CDH18: variants seen among roughly 807,000 people sequenced by gnomAD.
CDH18 encodes the protein cadherin-18.
Under a neutral mutation model 67.9 loss-of-function variants are expected in CDH18, and 31 were observed. That is an observed-to-expected ratio of 0.46 (90% CI 0.34 to 0.62). The LOEUF (loss-of-function observed/expected upper bound fraction) is 0.62. CDH18 is among the 20% of genes least tolerant of loss of function. The probability of loss-of-function intolerance (pLI) is 0.01; values close to 1 mark genes in which losing one functional copy is unlikely to be tolerated. For missense variants in CDH18, 890 were observed against 975.5 expected, an observed-to-expected ratio of 0.91 and a Z score of 1.17; for synonymous variants, 362 against 347.2, an observed-to-expected ratio of 1.04 and a Z score of -0.48.
chr5:20,370,482 G>A (rs377025843), intron 1 of CDH18, among the ~76,000 whole-genome samples: 15 of 152,154 alleles, frequency 9.9e-5, no homozygotes, highest in Middle Eastern at 3.4e-3. Flanking sequence ...TTTTTTGACC[G>A]TTACCCATAG....
intron 1 of CDH18, among the ~76,000 whole-genome samples, chr5:20,259,334 T>C (rs964262497): frequency 2.6e-5 from 4 of 152,100 alleles, no homozygotes; most frequent in Admixed American, 6.5e-5. Context: ...ATCAGAGCTT[T>C]TAAATGATGA....
chr5:19,618,635 C>G (rs528861890), intron 5 of CDH18, among the ~76,000 whole-genome samples: 17 of 152,290 alleles, frequency 1.1e-4, no homozygotes, highest in African/African-American at 4.1e-4. Context: ...ATAACTAAAT[C>G]ATGTAAAGTG....
At chr5:20,374,290 T>G (rs1743238998) in intron 1 of CDH18, among the ~76,000 whole-genome samples, 1 of 152,200 alleles carries the variant, frequency 6.6e-6, no homozygotes, top group Admixed American at 6.5e-5. Flanking sequence ...ATGAGATTAT[T>G]CAGACTTATC....
intron 3 of CDH18, among the ~76,000 whole-genome samples, chr5:19,834,770 T>G (rs564547888): frequency 6.6e-6 from 1 of 152,304 alleles, no homozygotes; most frequent in East Asian, 1.9e-4. Flanking sequence ...TCTGCCTTAA[T>G]TTCATTATTT....
Position 20,552,425 on chromosome 5 carries a change from A to G in CDH18, c.-580+23037T>C, listed in dbSNP as rs576539552. Among the ~76,000 whole-genome samples the G allele has an allele frequency of 5.3e-5, 8 of 152,276 alleles. No homozygotes were observed. In the South Asian group the frequency reaches 1.4e-3, roughly 28 times the overall value. The stretch of plus-strand genomic sequence containing the variant: ...CCGTGAGGTGGAGTTTGCTGTGAGC[A>G]GAGACCATGCCACTGTACTCCAGTC... On this transcript the variant is annotated intron_variant, in intron 1 of 14. Transcript: ENST00000507958.
intron 3 of CDH18, among the ~76,000 whole-genome samples, chr5:19,819,597 G>T (rs1292205572): frequency 6.6e-6 from 1 of 152,112 alleles, no homozygotes; most frequent in Non-Finnish European, 1.5e-5. Flanking sequence ...CATTGTAGGT[G>T]GGATCCCAGC....
intron 2 of CDH18, among the ~76,000 whole-genome samples, chr5:20,218,849 C>T (rs1740990420): frequency 6.6e-6 from 1 of 150,876 alleles, no homozygotes; most frequent in African/African-American, 2.4e-5. Flanking sequence ...ATATCTTTAT[C>T]AGCAGCATGA....
At chr5:20,304,507 T>C (rs1736245756) in intron 1 of CDH18, 2 of 1,602,010 alleles carry the variant, frequency 1.2e-6, no homozygotes, top group South Asian at 1.1e-5. Flanking sequence ...TGCGAAATGG[T>C]GAAGAGACTG....
chr5:19,537,293 G>A (rs1474159192), intron 9 of CDH18, among the ~76,000 whole-genome samples: 1 of 152,118 alleles, frequency 6.6e-6, no homozygotes, highest in Admixed American at 6.6e-5. Flanking sequence ...GTGGGATACA[G>A]AGTCTGCAGA....
At chr5:19,981,622 A>G (rs1203655619) in intron 1 of CDH18, among the ~76,000 whole-genome samples, 1 of 152,172 alleles carries the variant, frequency 6.6e-6, no homozygotes, top group African/African-American at 2.4e-5. Flanking sequence ...CCACTTCTCA[A>G]AATTGTTGCA....
chr5:20,475,850 T>A (rs1362116980), intron 1 of CDH18, among the ~76,000 whole-genome samples: 1 of 152,128 alleles, frequency 6.6e-6, no homozygotes, highest in Admixed American at 6.5e-5. Flanking sequence ...TAATACAGAA[T>A]ATTAGAGGCT....
At chr5:20,562,326 A>C (rs1758267315) in intron 1 of CDH18, among the ~76,000 whole-genome samples, 1 of 151,800 alleles carries the variant, frequency 6.6e-6, no homozygotes, top group Admixed American at 6.6e-5. Context: ...GGAATACAGG[A>C]TATTATTGTT....
intron 7 of CDH18, among the ~76,000 whole-genome samples, chr5:19,589,566 C>T (rs2150019072): frequency 6.6e-6 from 1 of 152,216 alleles, no homozygotes; most frequent in Admixed American, 6.5e-5. Flanking sequence ...GAAAAAAATG[C>T]TAGATGTTGG....
At chr5:20,379,689 G>A (rs1743754417) in intron 1 of CDH18, among the ~76,000 whole-genome samples, 1 of 151,976 alleles carries the variant, frequency 6.6e-6, no homozygotes, top group Non-Finnish European at 1.5e-5. Flanking sequence ...ATGTCTGGAT[G>A]TAGGATTTTA....
chr5:20,551,101 A>AT (rs1352471581), intron 1 of CDH18, among the ~76,000 whole-genome samples: 1 of 152,228 alleles, frequency 6.6e-6, no homozygotes, highest in African/African-American at 2.4e-5. Context: ...ACGTGCTAAA[A>AT]TAATAAATAG....
chr5:20,232,174 T>TA (rs1319104139), intron 2 of CDH18, among the ~76,000 whole-genome samples: 4 of 151,990 alleles, frequency 2.6e-5, no homozygotes, highest in African/African-American at 9.7e-5. Flanking sequence ...TCTATTTATT[T>TA]TTTTTTTTAA....
intron 2 of CDH18, among the ~76,000 whole-genome samples, chr5:20,144,522 C>T (rs1750492871): frequency 6.6e-6 from 1 of 152,080 alleles, no homozygotes; most frequent in Admixed American, 6.6e-5. Flanking sequence ...CAGGATAAGT[C>T]AGAGCCTGAG....
intron 1 of CDH18, among the ~76,000 whole-genome samples, chr5:20,277,279 C>G (rs1465215635): frequency 3.3e-5 from 5 of 152,146 alleles, no homozygotes; most frequent in Non-Finnish European, 5.9e-5. Flanking sequence ...TGTCAACCCT[C>G]CCCCAACTCA....
At chr5:20,074,062 A>G (rs1057432097) in intron 2 of CDH18, among the ~76,000 whole-genome samples, 5 of 152,162 alleles carry the variant, frequency 3.3e-5, no homozygotes, top group Admixed American at 3.3e-4. Flanking sequence ...CACAAATACT[A>G]CAGCATTTTT....
Sources: gnomAD v4.1 joint callset for allele counts (sites outside exome capture counted in the v4.1 genomes callset) on GRCh38, gnomAD v4.1.1 for gene constraint, MANE v1.5 for transcripts, NCBI Gene and HGNC (gene_info 2026-07-23, HGNC 2026-07-21) for gene names.